The following BRI3BP variants were observed in gnomAD, a reference collection of about 807,000 sequenced individuals.
The protein encoded by BRI3BP is BRI3-binding protein.
BRI3BP carries 7 observed loss-of-function variants against 15.8 expected under a neutral mutation model. The ratio of observed to expected loss-of-function variants is 0.44; its 90% CI spans 0.25 to 0.83. BRI3BP has a LOEUF of 0.83. Among genes scored for constraint, BRI3BP ranks in the 40% least tolerant of loss-of-function variants. BRI3BP has a pLI of 0.20. For synonymous variants in BRI3BP, 192 were observed against 163.5 expected, an observed-to-expected ratio of 1.17 and a Z score of -1.33; for missense variants, 320 against 339.3, an observed-to-expected ratio of 0.94 and a Z score of 0.45.
intron 1 of BRI3BP, among the ~76,000 whole-genome samples, chr12:124,997,214 CTTTT>C (rs1229802280): frequency 1.2e-4 from 6 of 51,540 alleles, no homozygotes; most frequent in African/African-American, 4.0e-4. Context: ...CTTTACTTCT[CTTTT>C]TTTTTTTTTT....
chr12:125,016,512 G>T (rs1316512851), intron 2 of BRI3BP, among the ~76,000 whole-genome samples: 2 of 126,606 alleles, frequency 1.6e-5, no homozygotes, highest in East Asian at 2.3e-4. Flanking sequence ...TTCCTTTTTT[G>T]GGGGGGAGGG....
intron 2 of BRI3BP, among the ~76,000 whole-genome samples, chr12:125,020,521 C>G (rs1323775739): frequency 6.6e-6 from 1 of 152,226 alleles, no homozygotes; most frequent in African/African-American, 2.4e-5. Context: ...GTGGGGGACA[C>G]AAATACTCAA....
the BRI3BP span, among the ~76,000 whole-genome samples, chr12:125,039,990 A>G: frequency 6.6e-6 from 1 of 152,154 alleles, no homozygotes; most frequent in Non-Finnish European, 1.5e-5. Flanking sequence ...ATGGCTGGGT[A>G]CGGTGGCTCA....
intron 2 of BRI3BP, among the ~76,000 whole-genome samples, chr12:125,019,363 G>A (rs894447352): frequency 2.0e-5 from 3 of 151,882 alleles, no homozygotes; most frequent in Admixed American, 6.6e-5. Flanking sequence ...TGGCATTCTC[G>A]TCTCTGGGCA....
intron 2 of BRI3BP, 94 bp downstream of exon 2, chr12:125,012,730 A>T (rs1176457377): frequency 1.0e-6 from 1 of 961,604 alleles, no homozygotes; most frequent in African/African-American, 1.6e-5. Context: ...ATACATGAGA[A>T]GGTTGCGGAG....
rs1955274905 is a variant in BRI3BP, at chr12:125,019,492, C to T, written c.317-5499C>T. Among the ~76,000 whole-genome samples, 2 of 152,024 alleles carry T rather than the reference C, an allele frequency of 1.3e-5. 1 individual carries two copies. Among genetic ancestry groups the T allele is most frequent in the South Asian group, 4.1e-4 (2 of 4,820 alleles). On this transcript the variant is annotated intron_variant, in intron 2 of 2. Coordinates refer to ENST00000341446, the MANE Select transcript of BRI3BP (RefSeq NM_080626.6). ...TGGTTAGGAGGGGTGACTGTGAGTT[C>T]CTCTCTTCTCCCGTAACATGTCTCT... is the stretch of plus-strand genomic sequence containing the variant.
chr12:125,039,896 A>C, the BRI3BP span, among the ~76,000 whole-genome samples: 1 of 152,204 alleles, frequency 6.6e-6, no homozygotes, highest in Non-Finnish European at 1.5e-5. Flanking sequence ...AAACAGAATG[A>C]ATGGAAAAGC....
the BRI3BP span, among the ~76,000 whole-genome samples, chr12:125,046,620 G>A: frequency 6.6e-6 from 1 of 152,128 alleles, no homozygotes; most frequent in Non-Finnish European, 1.5e-5. Flanking sequence ...AAAAGGAAAT[G>A]GATCTGTATG....
At chr12:125,047,992 C>T in the BRI3BP span, among the ~76,000 whole-genome samples, 27 of 149,014 alleles carry the variant, frequency 1.8e-4, no homozygotes, top group South Asian at 4.3e-4. Flanking sequence ...CTACTGTGCC[C>T]GGCCTACTTT....
intron 2 of BRI3BP, among the ~76,000 whole-genome samples, chr12:125,016,743 G>A (rs1472024999): frequency 1.3e-5 from 2 of 150,760 alleles, no homozygotes; most frequent in Admixed American, 1.3e-4. Flanking sequence ...GGCCAGGCTG[G>A]TCTTGAGCTC....
At chr12:125,041,214 T>TTGTG in the BRI3BP span, among the ~76,000 whole-genome samples, 2 of 150,382 alleles carry the variant, frequency 1.3e-5, no homozygotes, top group East Asian at 2.0e-4. Context: ...CCTGGCTAAT[T>TTGTG]TGTGTGTGTG....
At chr12:125,022,502 AT>A (rs58080733) in intron 2 of BRI3BP, among the ~76,000 whole-genome samples, 71,303 of 150,468 alleles carry the variant, frequency 0.47, 18,708 homozygotes, top group African/African-American at 0.69. Flanking sequence ...GTGATGTTAT[AT>A]GGAATTGTTA....
At chr12:125,005,189 G>A (rs1446574860) in intron 1 of BRI3BP, among the ~76,000 whole-genome samples, 2 of 152,194 alleles carry the variant, frequency 1.3e-5, no homozygotes, top group Non-Finnish European at 2.9e-5. Context: ...GAATTTGTCT[G>A]ATGTTTTTCT....
intron 1 of BRI3BP, 150 bp from the exon 2 acceptor site, chr12:125,012,384 T>A: frequency 1.6e-6 from 1 of 640,712 alleles, no homozygotes; most frequent in Non-Finnish European, 2.8e-6. Flanking sequence ...TTCAAGTCAA[T>A]CCCCTGGGCC....
chr12:125,016,265 A>C (rs1166952793), intron 2 of BRI3BP, among the ~76,000 whole-genome samples: 1 of 152,128 alleles, frequency 6.6e-6, no homozygotes. Flanking sequence ...GTTTGAGTGC[A>C]AAATGCTTTA....
At chr12:125,036,146 C>T (rs1214213652), downstream of BRI3BP, among the ~76,000 whole-genome samples, 6 of 152,286 alleles carry the variant, frequency 3.9e-5, no homozygotes, top group Non-Finnish European at 8.8e-5. Context: ...CTCACTGCAA[C>T]CTCCGCCTCC....
intron 1 of BRI3BP, among the ~76,000 whole-genome samples, chr12:125,011,117 G>A (rs1485633218): frequency 2.4e-5 from 3 of 122,686 alleles, no homozygotes; most frequent in Admixed American, 8.5e-5. Flanking sequence ...AAAAAAAAAA[G>A]CTGTAGCCAA....
chr12:125,026,997 G>A lies in BRI3BP; in HGVS notation c.*1567G>A, dbSNP rs11058000. The A allele has an allele frequency of 0.17, 25,241 of 151,498 alleles. 2,224 individuals are homozygous for A. Among genetic ancestry groups the A allele is most frequent in the East Asian group, 0.2 (1,003 of 5,136 alleles). 9.4% of individuals were successfully genotyped at this position (151,498 alleles called of 1,614,324 possible). A position where few individuals can be genotyped will look rare whatever the true frequency, so the allele number is the denominator to read the frequency against. ...AGCATTTTGCAGCTTTGAAGCTGCT[G>A]GGGATCACGACTGTCTCTGTGGCCC... is the stretch of plus-strand genomic sequence containing the variant. On this transcript the variant is annotated 3_prime_UTR_variant, in exon 3 of 3. Coordinates refer to ENST00000341446, the MANE Select transcript of BRI3BP (RefSeq NM_080626.6).
the BRI3BP span, among the ~76,000 whole-genome samples, chr12:125,043,375 C>T: frequency 1.3e-5 from 2 of 152,118 alleles, no homozygotes; most frequent in African/African-American, 2.4e-5. Context: ...TTTTCCACTC[C>T]CACAGAACCG....
Sources: gnomAD v4.1 joint callset for allele counts (sites outside exome capture counted in the v4.1 genomes callset) on GRCh38, gnomAD v4.1.1 for gene constraint, MANE v1.5 for transcripts, NCBI Gene and HGNC (gene_info 2026-07-23, HGNC 2026-07-21) for gene names.